The following COTL1 variants were observed in gnomAD, a reference collection of about 807,000 sequenced individuals.
COTL1 encodes coactosin like F-actin binding protein 1.
Under a neutral mutation model 16.5 loss-of-function variants are expected in COTL1, and 15 were observed. The observed-to-expected ratio is 0.91, with a 90% CI of 0.61 to 1.40. The LOEUF is 1.40. Ranked by LOEUF, COTL1 falls within the 40% of genes most tolerant of loss-of-function variation. COTL1 has a pLI of 0.00. For missense variants in COTL1, 220 were observed against 201.5 expected (o/e 1.09, Z -0.56); for synonymous variants, 112 against 85.3 (o/e 1.31, Z -1.73).
intron 3 of COTL1, among the ~76,000 whole-genome samples, chr16:84,581,379 C>T (rs887479924): frequency 1.3e-5 from 2 of 152,122 alleles, no homozygotes; most frequent in East Asian, 1.9e-4. Flanking sequence ...GTGGATGGTC[C>T]GCAGAGTGCT....
At chr16:84,610,596 G>A (rs1317111039) in intron 2 of COTL1, among the ~76,000 whole-genome samples, 2 of 152,176 alleles carry the variant, frequency 1.3e-5, no homozygotes, top group East Asian at 3.9e-4. Context: ...TGAACCAATC[G>A]GTTAGCAGAA....
At chr16:84,567,144 A>G in intron 3 of COTL1, 189 bp from the exon 4 acceptor site, 2 of 549,284 alleles carry the variant, frequency 3.6e-6, no homozygotes, top group East Asian at 6.6e-5. Flanking sequence ...CAGCAGAGTC[A>G]TCTGGCAGAA....
At chr16:84,571,692 G>C (rs1274962350) in intron 3 of COTL1, among the ~76,000 whole-genome samples, 1 of 152,156 alleles carries the variant, frequency 6.6e-6, no homozygotes, top group African/African-American at 2.4e-5. Flanking sequence ...TCACCTCACC[G>C]GCAGACTGGT....
chr16:84,580,197 G>A (rs1904551746), intron 3 of COTL1, among the ~76,000 whole-genome samples: 1 of 152,196 alleles, frequency 6.6e-6, no homozygotes, highest in African/African-American at 2.4e-5. Flanking sequence ...TTACATGCCA[G>A]GCCCAAACCT....
intron 3 of COTL1, among the ~76,000 whole-genome samples, chr16:84,588,229 A>G (rs1904780129): frequency 6.6e-6 from 1 of 151,580 alleles, no homozygotes; most frequent in Non-Finnish European, 1.5e-5. Context: ...AAAAATAATA[A>G]TAATAATAAT....
chr16:84,604,053 CT>C lies in COTL1; in HGVS notation c.160+13447del, dbSNP rs1296093396. On this transcript the variant is annotated intron_variant, in intron 2 of 3. Coordinates refer to ENST00000262428, the MANE Select transcript of COTL1 (RefSeq NM_021149.5). ...CCCCGCAACTCCCCTCTCCCTCCCG[CT>C]GCCCCACCACGGCCCAACCCCATAC... Among the ~76,000 whole-genome samples, 3 of 136,742 alleles carry C rather than the reference CT, an allele frequency of 2.2e-5. No individual in the cohort carries two copies. In the Admixed American group the frequency reaches 2.2e-4, roughly 10 times the overall value. The allele number at this position is 136,742 out of a possible 152,430, so 89.7% of individuals were successfully genotyped here. A position where few individuals can be genotyped will look rare whatever the true frequency, so the allele number is the denominator to read the frequency against.
rs773931747 is a variant in COTL1 at position 84,590,277 on chromosome 16, G to A, written c.161-15C>T. 2.8e-5 allele frequency: 45 copies of A among 1,612,734 alleles called. No homozygotes were observed. Among genetic ancestry groups the A allele is most frequent in the Admixed American group, 6.7e-5 (4 of 59,920 alleles). On this transcript the variant is annotated splice_polypyrimidine_tract_variant and intron_variant, in intron 2 of 3. Transcript: ENST00000262428. This position sits in a 1 kb window ranked among gnomAD's most constrained non-coding sequence, Gnocchi z 5.5. ...CCGGACGTCATCTGTGGCCAAAAGC[G>A]AAAAGAGAACATGGTGCTGCGTTAA... is the stretch of plus-strand genomic sequence containing the variant.
intron 3 of COTL1, chr16:84,568,823 T>A (rs568706694): frequency 6.6e-6 from 1 of 152,346 alleles, no homozygotes; most frequent in African/African-American, 2.4e-5. Context: ...TCAACATTAT[T>A]TCCATTTTAA....
chr16:84,602,087 G>A (rs759785864), intron 2 of COTL1, among the ~76,000 whole-genome samples: 11 of 152,040 alleles, frequency 7.2e-5, no homozygotes, highest in Non-Finnish European at 7.4e-5. Flanking sequence ...GCACCCAGAC[G>A]ATGCCCCACA....
intron 3 of COTL1, among the ~76,000 whole-genome samples, chr16:84,581,525 T>C (rs1328883185): frequency 1.3e-5 from 2 of 149,932 alleles, no homozygotes; most frequent in Admixed American, 6.8e-5. Flanking sequence ...GTTGTTGAGA[T>C]GGAGTATCAC....
chr16:84,613,542 C>T (rs1391921994), intron 2 of COTL1, among the ~76,000 whole-genome samples: 3 of 151,986 alleles, frequency 2.0e-5, no homozygotes, highest in Non-Finnish European at 1.5e-5. Flanking sequence ...GACTAGAAAG[C>T]CAAGCAGACA....
At chr16:84,606,305 G>A (rs1905210062) in intron 2 of COTL1, among the ~76,000 whole-genome samples, 1 of 152,214 alleles carries the variant, frequency 6.6e-6, no homozygotes, top group South Asian at 2.1e-4. Context: ...GTGGGCCACT[G>A]GGCTGTTACT....
At chr16:84,607,615 G>A (rs1224510683) in intron 2 of COTL1, among the ~76,000 whole-genome samples, 1 of 152,128 alleles carries the variant, frequency 6.6e-6, no homozygotes, top group African/African-American at 2.4e-5. Context: ...GTGTGTTGGG[G>A]ACACACACTG....
rs753193647 is a variant in COTL1 at position 84,590,296 on chromosome 16, G to A, written c.161-34C>T. 5.0e-6 allele frequency: 8 copies of A among 1,604,888 alleles called. No individual in the cohort carries two copies. The highest frequency in any genetic ancestry group is 6.8e-6 in the Non-Finnish European group (8 of 1,173,108). ...AAAAGCGAAAAGAGAACATGGTGCTGCGTTAAAACACCCCCATGTCATGTC... is the reference window on the plus strand; with the variant it reads ...AAAAGCGAAAAGAGAACATGGTGCTACGTTAAAACACCCCCATGTCATGTC... On this transcript the variant is annotated intron_variant, in intron 2 of 3. Transcript: ENST00000262428. This position sits in a 1 kb window ranked among gnomAD's most constrained non-coding sequence, Gnocchi z 5.5.
At chr16:84,600,028 G>A (rs77158301) in intron 2 of COTL1, among the ~76,000 whole-genome samples, 1,732 of 152,254 alleles carry the variant, frequency 0.011, 33 homozygotes, top group African/African-American at 0.039. Flanking sequence ...TAAGAGGGAG[G>A]GGGCCTGAGG....
chr16:84,592,440 G>C (rs1904892563), intron 2 of COTL1, among the ~76,000 whole-genome samples: 1 of 152,054 alleles, frequency 6.6e-6, no homozygotes, highest in Non-Finnish European at 1.5e-5. Flanking sequence ...GGCACCTAAT[G>C]ATATCGTAGA....
chr16:84,602,403 C>G (rs558859486), intron 2 of COTL1, among the ~76,000 whole-genome samples: 1 of 138,104 alleles, frequency 7.2e-6, no homozygotes, highest in East Asian at 2.3e-4. Context: ...AACTTTTTTT[C>G]TTTTAATTAA....
intron 3 of COTL1, among the ~76,000 whole-genome samples, chr16:84,578,811 A>C (rs954632436): frequency 2.0e-5 from 3 of 152,080 alleles, no homozygotes; most frequent in African/African-American, 7.2e-5. Context: ...ATATGTCCAC[A>C]CAAACGTATA....
At chr16:84,576,932 A>T (rs901603320) in intron 3 of COTL1, 1 of 152,266 alleles carries the variant, frequency 6.6e-6, no homozygotes, top group Non-Finnish European at 1.5e-5. Flanking sequence ...TGCTGGACAC[A>T]TGAATGTGTC....
Sources: gnomAD v4.1 joint callset for allele counts (sites outside exome capture counted in the v4.1 genomes callset) on GRCh38, gnomAD v4.1.1 for gene constraint, Gnocchi (gnomAD v3.1) non-coding constraint, MANE v1.5 for transcripts, NCBI Gene and HGNC (gene_info 2026-07-23, HGNC 2026-07-21) for gene names.